The following MPZL1 variants were observed in gnomAD, a reference collection of about 807,000 sequenced individuals.
MPZL1 encodes myelin protein zero-like protein 1.
In MPZL1, 16 loss-of-function variants were observed where a neutral mutation model predicts 29.3. The ratio of observed to expected loss-of-function variants is 0.55; its 90% CI spans 0.37 to 0.83. The LOEUF (loss-of-function observed/expected upper bound fraction) is 0.83. Among genes scored for constraint, MPZL1 ranks in the 40% least tolerant of loss-of-function variants. The pLI is 0.00. For missense variants in MPZL1, 279 were observed against 332.9 expected (o/e 0.84, Z 1.26); for synonymous variants, 143 against 132.0 (o/e 1.08, Z -0.57).
chr1:167,770,396 T>C (rs1661212780), intron 2 of MPZL1, among the ~76,000 whole-genome samples: 1 of 152,182 alleles, frequency 6.6e-6, no homozygotes, highest in Non-Finnish European at 1.5e-5. Context: ...AGGTGCTGAG[T>C]TTGACAAGGT....
chr1:167,733,107 A>G (rs1337772464), intron 1 of MPZL1, among the ~76,000 whole-genome samples: 1 of 152,188 alleles, frequency 6.6e-6, no homozygotes, highest in East Asian at 1.9e-4. Flanking sequence ...TTTTCTGTTT[A>G]TATAGATCAA....
chr1:167,753,783 T>C (rs1220625371), intron 1 of MPZL1, among the ~76,000 whole-genome samples: 1 of 151,926 alleles, frequency 6.6e-6, no homozygotes, highest in Non-Finnish European at 1.5e-5. Flanking sequence ...GTGCCCGCCA[T>C]CACGCCGGGC....
chr1:167,779,279 A>G (rs372732154), intron 5 of MPZL1, among the ~76,000 whole-genome samples: 4 of 152,326 alleles, frequency 2.6e-5, no homozygotes, highest in Non-Finnish European at 5.9e-5. Context: ...AAACATAAAC[A>G]CACAGAAAGC....
At chr1:167,730,966 C>A (rs1051311719) in intron 1 of MPZL1, among the ~76,000 whole-genome samples, 4 of 152,200 alleles carry the variant, frequency 2.6e-5, no homozygotes, top group Non-Finnish European at 5.9e-5. Flanking sequence ...AACTTTGAGT[C>A]TTGATCATTT....
At chr1:167,741,424 C>T (rs1374140347) in intron 1 of MPZL1, among the ~76,000 whole-genome samples, 2 of 148,934 alleles carry the variant, frequency 1.3e-5, no homozygotes, top group Non-Finnish European at 3.0e-5. Context: ...CTCCCAGATT[C>T]CAGCAATTCT....
chr1:167,728,732 T>TA (rs747233267), intron 1 of MPZL1, among the ~76,000 whole-genome samples: 26 of 152,210 alleles, frequency 1.7e-4, no homozygotes, highest in Non-Finnish European at 3.1e-4. Flanking sequence ...GCAACAGTGA[T>TA]ACACTGAATC....
At chr1:167,755,205 T>A (rs1252388903) in intron 1 of MPZL1, among the ~76,000 whole-genome samples, 2 of 152,200 alleles carry the variant, frequency 1.3e-5, no homozygotes, top group African/African-American at 4.8e-5. Context: ...TTTTGCTGTA[T>A]TTTGGAGGAG....
At chr1:167,785,521 A>G (rs1661574491) in intron 5 of MPZL1, among the ~76,000 whole-genome samples, 1 of 152,096 alleles carries the variant, frequency 6.6e-6, no homozygotes. Flanking sequence ...ACAGATTTCT[A>G]CTCTTGATTG....
intron 2 of MPZL1, among the ~76,000 whole-genome samples, chr1:167,766,688 T>C (rs147587043): frequency 7.3e-4 from 111 of 152,356 alleles, no homozygotes; most frequent in African/African-American, 2.1e-3. Context: ...CACCTAGATG[T>C]TGGGCCCATC....
intron 1 of MPZL1, among the ~76,000 whole-genome samples, chr1:167,734,888 C>A (rs1660345212): frequency 6.6e-6 from 1 of 152,198 alleles, no homozygotes; most frequent in Non-Finnish European, 1.5e-5. Flanking sequence ...GGAGTTCCCA[C>A]ATTTCTCCAT....
rs190164349 is a variant in MPZL1 at position 167,750,222 on chromosome 1, C to T, written c.92-15361C>T. Among the ~76,000 whole-genome samples, 56 of 151,560 alleles carry T rather than the reference C, an allele frequency of 3.7e-4. No individual in the cohort carries two copies. In the South Asian group the frequency reaches 9.0e-3, roughly 24 times the overall value. ...TTTTCTTTTCTTTTCTTTTTTGAGA[C>T]GGAGTTTTGCTCTCGTTGCCCAGGC... On this transcript the variant is annotated intron_variant, in intron 1 of 5. Coordinates refer to ENST00000359523, the MANE Select transcript of MPZL1 (RefSeq NM_003953.6).
chr1:167,766,876 CTAA>C (rs1661126434), intron 2 of MPZL1, among the ~76,000 whole-genome samples: 1 of 152,190 alleles, frequency 6.6e-6, no homozygotes, highest in Admixed American at 6.5e-5. Context: ...GAAAAATCTG[CTAA>C]TAATATTTAC....
At chr1:167,733,382 T>C (rs762994106) in intron 1 of MPZL1, among the ~76,000 whole-genome samples, 3 of 152,078 alleles carry the variant, frequency 2.0e-5, no homozygotes, top group Non-Finnish European at 4.4e-5. Flanking sequence ...TAGATAAGAG[T>C]GTCACAAAGT....
At chr1:167,778,702 T>C (rs1661425590) in intron 5 of MPZL1, among the ~76,000 whole-genome samples, 3 of 152,030 alleles carry the variant, frequency 2.0e-5, no homozygotes, top group Admixed American at 1.3e-4. Flanking sequence ...ATCAATCTTA[T>C]TAGTAAACTT....
At chr1:167,765,134 A>G (rs1051376522) in intron 1 of MPZL1, 2 of 152,366 alleles carry the variant, frequency 1.3e-5, no homozygotes, top group African/African-American at 2.4e-5. Flanking sequence ...AATGTAAACT[A>G]TGGACTGTGG....
At chr1:167,751,400 T>C (rs1660753541) in intron 1 of MPZL1, among the ~76,000 whole-genome samples, 1 of 152,196 alleles carries the variant, frequency 6.6e-6, no homozygotes, top group African/African-American at 2.4e-5. Flanking sequence ...CCGGGCGCGG[T>C]GGCTCACGTC....
In MPZL1 at chr1:167,790,356, G is replaced by T. The variant is rs1661682624; in HGVS notation, c.*2435G>T. The T allele has an allele frequency of 6.6e-6, 1 of 152,298 alleles. No individual in the cohort carries two copies. Among genetic ancestry groups the T allele is most frequent in the African/African-American group, 2.4e-5 (1 of 41,464 alleles). 9.4% of individuals were successfully genotyped at this position (152,298 alleles called of 1,614,324 possible). On this transcript the variant is annotated 3_prime_UTR_variant, in exon 6 of 6. Coordinates refer to ENST00000359523, the MANE Select transcript of MPZL1 (RefSeq NM_003953.6). ...GTCAGTGCCCTGGCATTCTGGCAGA[G>T]AATCCTCACCAGTTCTCACCAACCT...
At chr1:167,781,403 T>A (rs1661494706) in intron 5 of MPZL1, among the ~76,000 whole-genome samples, 1 of 152,242 alleles carries the variant, frequency 6.6e-6, no homozygotes, top group Non-Finnish European at 1.5e-5. Context: ...ATAGAGTACG[T>A]TCTCTGGCCA....
At chr1:167,739,282 C>CATATATATATATACATATATATAT in intron 1 of MPZL1, among the ~76,000 whole-genome samples, 1 of 90,418 alleles carries the variant, frequency 1.1e-5, no homozygotes, top group African/African-American at 6.3e-5. Context: ...TACATATATA[C>CATATATATATATACATATATATAT]ATATATATAT....
Sources: gnomAD v4.1 joint callset for allele counts (sites outside exome capture counted in the v4.1 genomes callset) on GRCh38, gnomAD v4.1.1 for gene constraint, MANE v1.5 for transcripts, NCBI Gene and HGNC (gene_info 2026-07-23, HGNC 2026-07-21) for gene names.